The following PIK3R1 variants were observed in gnomAD, a reference collection of about 807,000 sequenced individuals.
PIK3R1 encodes phosphoinositide-3-kinase regulatory subunit 1.
PIK3R1 carries 29 observed loss-of-function variants against 98.0 expected under a neutral mutation model. The observed-to-expected ratio is 0.30, with a 90% CI of 0.22 to 0.40. PIK3R1 has a LOEUF of 0.40. Among genes scored for constraint, PIK3R1 ranks in the 10% least tolerant of loss-of-function variants. The probability of loss-of-function intolerance (pLI) is 1.00; values close to 1 mark genes in which losing one functional copy is unlikely to be tolerated. For missense variants in PIK3R1, 596 were observed against 872.7 expected (o/e 0.68, Z 3.99); for synonymous variants, 282 against 311.8 (o/e 0.90, Z 1.01).
At position 68,226,656 on chromosome 5, in the gene PIK3R1, A is replaced by G. The variant is rs779762264; in HGVS notation, c.-20A>G. On this transcript the variant is annotated 5_prime_UTR_variant, in exon 2 of 16. An upstream start codon of the reference 5' UTR is lost. Transcript: ENST00000521381. ...CTGTACAACCAGGCTCAACTGTTGC[A>G]TGGTAGCAGATTTGCAAACATGAGT... The G allele has an allele frequency of 6.3e-7, 1 of 1,591,024 alleles. No homozygotes were observed. The highest frequency in any genetic ancestry group is 1.3e-5 in the African/African-American group (1 of 74,476).
rs1748085959 is a variant in PIK3R1, at chr5:68,301,444, A to ATATATG, written c.*3848_*3849insGTATAT. On this transcript the variant is annotated 3_prime_UTR_variant, in exon 16 of 16. Coordinates refer to ENST00000521381, the MANE Select transcript of PIK3R1 (RefSeq NM_181523.3). ...TATATATATATATATGTGTGTGTAT[A>ATATATG]TATATATATATGTGTATATATATAT... is the stretch of plus-strand genomic sequence containing the variant. 8.9e-6 allele frequency: 1 copy of ATATATG among 112,464 alleles called. No individual in the cohort carries two copies. The highest frequency in any genetic ancestry group is 1.8e-5 in the Non-Finnish European group (1 of 57,004). 7.0% of individuals were successfully genotyped at this position (112,464 alleles called of 1,614,324 possible). A position where few individuals can be genotyped will look rare whatever the true frequency, so the allele number is the denominator to read the frequency against.
At chr5:68,260,977 C>A (rs951029716) in intron 2 of PIK3R1, among the ~76,000 whole-genome samples, 1 of 152,050 alleles carries the variant, frequency 6.6e-6, no homozygotes, top group Non-Finnish European at 1.5e-5. Context: ...ACCACCTATC[C>A]CCTGGGTTAG....
At chr5:68,233,259 ATATG>A (rs1389217113) in intron 2 of PIK3R1, among the ~76,000 whole-genome samples, 2 of 152,256 alleles carry the variant, frequency 1.3e-5, no homozygotes, top group Non-Finnish European at 2.9e-5. Flanking sequence ...GCTCTTGCAT[ATATG>A]TGTATCTTTG....
At chr5:68,220,857 A>G (rs1744068171) in intron 1 of PIK3R1, among the ~76,000 whole-genome samples, 1 of 152,212 alleles carries the variant, frequency 6.6e-6, no homozygotes, top group Admixed American at 6.5e-5. Flanking sequence ...CATAAAATTC[A>G]CCCTAAATTC....
At chr5:68,262,871 G>A (rs111206708) in intron 2 of PIK3R1, among the ~76,000 whole-genome samples, 3 of 88,504 alleles carry the variant, frequency 3.4e-5, no homozygotes, top group Non-Finnish European at 7.1e-5. Flanking sequence ...ATGTATACAT[G>A]TAGATACATG....
intron 2 of PIK3R1, among the ~76,000 whole-genome samples, chr5:68,238,849 C>G (rs1291412126): frequency 6.6e-6 from 1 of 151,724 alleles, no homozygotes; most frequent in African/African-American, 2.4e-5. Flanking sequence ...CATGTGAAAT[C>G]AATGAAAAAT....
At chr5:68,229,166 T>C (rs1463602715) in intron 2 of PIK3R1, among the ~76,000 whole-genome samples, 2 of 152,042 alleles carry the variant, frequency 1.3e-5, no homozygotes. Flanking sequence ...TACTAAACAT[T>C]CAATTTTCTA....
At chr5:68,230,241 A>C (rs1744418973) in intron 2 of PIK3R1, among the ~76,000 whole-genome samples, 2 of 152,208 alleles carry the variant, frequency 1.3e-5, no homozygotes, top group Non-Finnish European at 2.9e-5. Flanking sequence ...CAAATCATTG[A>C]TTACTTAACC....
In PIK3R1 at chr5:68,273,500, G is replaced by A. The variant is rs780519166; in HGVS notation, c.427+18G>A. 7 of 1,583,634 alleles carry A rather than the reference G, an allele frequency of 4.4e-6. No individual in the cohort carries two copies. Among genetic ancestry groups the A allele is most frequent in the Middle Eastern group, 1.7e-4 (1 of 6,022 alleles). Reference sequence around the variant, plus strand: ...AAAGAAAGGTAACCAGACTGCTAGAGGGCATCAGTTCCTTTGTTCTACCCT... The same window carrying A: ...AAAGAAAGGTAACCAGACTGCTAGAAGGCATCAGTTCCTTTGTTCTACCCT... On this transcript the variant is annotated intron_variant, in intron 3 of 15. Coordinates refer to ENST00000521381, the MANE Select transcript of PIK3R1 (RefSeq NM_181523.3).
At position 68,300,497 on chromosome 5, in the gene PIK3R1, G is replaced by A. The variant is rs1747980490; in HGVS notation, c.*2896G>A. On this transcript the variant is annotated 3_prime_UTR_variant, in exon 16 of 16. Transcript: ENST00000521381. ...AAAGCCAGAAGCTAAGCTGCAGTGAGGCTGTGATTGGGCGTAGAAGTGGGA... is the reference window on the plus strand; with the variant it reads ...AAAGCCAGAAGCTAAGCTGCAGTGAAGCTGTGATTGGGCGTAGAAGTGGGA... 4.3e-6 allele frequency: 1 copy of A among 233,260 alleles called. No homozygotes were observed. The highest frequency in any genetic ancestry group is 8.5e-6 in the Non-Finnish European group (1 of 118,038). 14.4% of individuals were successfully genotyped at this position (233,260 alleles called of 1,614,324 possible).
Position 68,293,348 on chromosome 5 carries a change from G to A in PIK3R1, c.1164G>A (p.Gly388=). 1 of 1,613,202 alleles carries A rather than the reference G, an allele frequency of 6.2e-7. No homozygotes were observed. Among genetic ancestry groups the A allele is most frequent in the South Asian group, 1.1e-5 (1 of 91,010 alleles). The change falls in exon 10 of 16, where the codon GGG becomes GGA. Residue 388 remains glycine (G), a synonymous_variant. Coordinates refer to ENST00000521381, the MANE Select transcript of PIK3R1 (RefSeq NM_181523.3). The part of the protein sequence containing the change: ...NKLIKIFHRD[G]KYGFSDPLTF... ...TAATCAAAATATTTCATCGAGATGG[G>A]AAATATGGCTTCTCTGACCCATTAA...
intron 7 of PIK3R1, among the ~76,000 whole-genome samples, chr5:68,287,959 C>A (rs1722877189): frequency 6.6e-6 from 1 of 152,190 alleles, no homozygotes; most frequent in Admixed American, 6.5e-5. Flanking sequence ...TTTCCTGTTA[C>A]ACCTGCAGGG....
intron 15 of PIK3R1, 113 bp downstream of exon 15, chr5:68,296,454 C>CT: frequency 1.0e-6 from 1 of 956,224 alleles, no homozygotes; most frequent in Non-Finnish European, 1.6e-6. Context: ...CTTGAATAAG[C>CT]TTACAGTACA....
intron 8 of PIK3R1, chr5:68,292,743 T>C: frequency 7.9e-7 from 1 of 1,273,494 alleles, no homozygotes; most frequent in Non-Finnish European, 1.0e-6. Context: ...GGAGAAACTC[T>C]TTTGAGATCA....
rs919137349 is a variant in PIK3R1 at position 68,226,568 on chromosome 5, A to G, written c.-108A>G. ...TGGTCCTTTGTCCTCTGCTGGACAC[A>G]TAATAGGAATTCTAACACATTCTCT... On this transcript the variant is annotated 5_prime_UTR_variant, in exon 2 of 16. Transcript: ENST00000521381. 3 of 892,386 alleles carry G rather than the reference A, an allele frequency of 3.4e-6. No homozygotes were observed. In the African/African-American group the frequency reaches 5.1e-5, roughly 15 times the overall value. 55.3% of individuals were successfully genotyped at this position (892,386 alleles called of 1,614,324 possible). A position where few individuals can be genotyped will look rare whatever the true frequency, so the allele number is the denominator to read the frequency against.
intron 1 of PIK3R1, among the ~76,000 whole-genome samples, chr5:68,219,445 C>T (rs1378518017): frequency 6.6e-6 from 1 of 152,196 alleles, no homozygotes; most frequent in Non-Finnish European, 1.5e-5. Flanking sequence ...TTGTCTTCCT[C>T]CCCGGATGTC....
At chr5:68,245,320 TA>T (rs78923816) in intron 2 of PIK3R1, among the ~76,000 whole-genome samples, 25 of 151,568 alleles carry the variant, frequency 1.6e-4, no homozygotes, top group Middle Eastern at 3.4e-3. Context: ...GCTTTTTTTT[TA>T]AAAAAAAATA....
chr5:68,268,159 A>G (rs1746199996), intron 2 of PIK3R1, among the ~76,000 whole-genome samples: 1 of 152,196 alleles, frequency 6.6e-6, no homozygotes, highest in African/African-American at 2.4e-5. Flanking sequence ...ATGGGATTCA[A>G]GTTAACTAAC....
intron 2 of PIK3R1, among the ~76,000 whole-genome samples, chr5:68,237,466 T>G (rs948464496): frequency 5.3e-5 from 8 of 152,140 alleles, no homozygotes; most frequent in African/African-American, 1.9e-4. Context: ...CACAGGTGAA[T>G]TTTATTTTCA....
Sources: allele counts gnomAD v4.1 joint callset (sites outside exome capture counted in the v4.1 genomes callset), GRCh38; gene constraint gnomAD v4.1.1; transcripts MANE v1.5; gene names NCBI Gene and HGNC (gene_info 2026-07-23, HGNC 2026-07-21).